The following KIF3A variants were observed in gnomAD, a reference collection of about 807,000 sequenced individuals.
KIF3A encodes kinesin family member 3A.
Under a neutral mutation model 92.6 loss-of-function variants are expected in KIF3A, and 27 were observed. The ratio of observed to expected loss-of-function variants is 0.29; its 90% CI spans 0.21 to 0.40. The LOEUF (loss-of-function observed/expected upper bound fraction) is 0.40. KIF3A is among the 10% of genes least tolerant of loss of function. The pLI is 1.00. For synonymous variants in KIF3A, 250 were observed against 275.4 expected, an observed-to-expected ratio of 0.91 and a Z score of 0.92; for missense variants, 581 against 872.6, an observed-to-expected ratio of 0.67 and a Z score of 4.21.
At chr5:132,720,761 A>G (rs1753797679) in intron 4 of KIF3A, 47 bp from the exon 5 acceptor site, 1 of 1,057,102 alleles carries the variant, frequency 9.5e-7, no homozygotes, top group Admixed American at 2.0e-5. Flanking sequence ...CTCTTCCACA[A>G]TTATTTATTG....
intron 10 of KIF3A, among the ~76,000 whole-genome samples, chr5:132,707,410 C>T (rs992526383): frequency 2.0e-5 from 3 of 152,248 alleles, no homozygotes; most frequent in Middle Eastern, 3.4e-3. Context: ...GTGCTAGGTA[C>T]GCAAATAGGA....
Position 132,716,761 on chromosome 5 carries a change from C to A in KIF3A, c.756+84G>T, listed in dbSNP as rs1364773108. On this transcript the variant is annotated intron_variant, in intron 6 of 18. Coordinates refer to ENST00000403231, the MANE Select transcript of KIF3A (RefSeq NM_001300791.2). ...CCTTAAAAATCATATGTAAATCATACCTTTTCACTTTAATTTTCATTCATT... is the reference window on the plus strand; with the variant it reads ...CCTTAAAAATCATATGTAAATCATAACTTTTCACTTTAATTTTCATTCATT... The A allele has an allele frequency of 2.8e-6, 4 of 1,406,534 alleles. No homozygotes were observed. The African/African-American group carries it at 5.8e-5, about 20-fold the overall frequency. The allele number at this position is 1,406,534 out of a possible 1,614,324, so 87.1% of individuals were successfully genotyped here.
At position 132,692,739 on chromosome 5, in the gene KIF3A, T is replaced by C. The variant is rs769027945; in HGVS notation, c.*3895A>G. 2.6e-5 allele frequency: 4 copies of C among 152,702 alleles called. No homozygotes were observed. Among genetic ancestry groups the C allele is most frequent in the Non-Finnish European group, 4.4e-5 (3 of 68,044 alleles). 9.5% of individuals were successfully genotyped at this position (152,702 alleles called of 1,614,324 possible). On this transcript the variant is annotated 3_prime_UTR_variant, in exon 19 of 19. Coordinates refer to ENST00000403231, the MANE Select transcript of KIF3A (RefSeq NM_001300791.2). ...TTATACATAAAATACAATGAAAGCA[T>C]GGCTTTTGAAACTGATGCAACAAAC...
At chr5:132,711,230 G>A (rs1753412493) in intron 8 of KIF3A, among the ~76,000 whole-genome samples, 173 bp from the exon 9 acceptor site, 1 of 152,178 alleles carries the variant, frequency 6.6e-6, no homozygotes, top group African/African-American at 2.4e-5. Context: ...AGACACAGAT[G>A]AGATATCCAA....
intron 8 of KIF3A, among the ~76,000 whole-genome samples, chr5:132,712,361 A>G (rs2149902948): frequency 6.6e-6 from 1 of 152,332 alleles, no homozygotes; most frequent in East Asian, 1.9e-4. Flanking sequence ...GAAGGATCTC[A>G]TAATAGCCAA....
chr5:132,710,354 C>T (rs894477743), intron 9 of KIF3A, among the ~76,000 whole-genome samples: 2 of 152,148 alleles, frequency 1.3e-5, no homozygotes, highest in African/African-American at 4.8e-5. Flanking sequence ...TGGTGGCTCA[C>T]GCCTGTAGTC....
At chr5:132,726,857 C>G (rs1404173631) in intron 2 of KIF3A, among the ~76,000 whole-genome samples, 2 of 152,176 alleles carry the variant, frequency 1.3e-5, no homozygotes, top group African/African-American at 4.8e-5. Flanking sequence ...AAAAAGAATA[C>G]AGGCTCTAGA....
Position 132,734,341 on chromosome 5 carries a change from T to C in KIF3A, c.144A>G (p.Val48=). Residue 48 remains valine, a synonymous_variant, in exon 2 of 19, where the codon GTA becomes GTG. Transcript: ENST00000403231. The stretch of plus-strand genomic sequence containing the variant: ...GTTCATTGGAAGAATCAGTCTTATG[T>C]ACAGTGATAGTTCCCCTCATCTCAT... ...SVDEMRGTIT[V]HKTDSSNEPP... is the part of the protein sequence containing the mutation. 6.2e-7 allele frequency: 1 copy of C among 1,614,154 alleles called. No individual in the cohort carries two copies. Among genetic ancestry groups the C allele is most frequent in the Non-Finnish European group, 8.5e-7 (1 of 1,180,024 alleles).
At position 132,700,832 on chromosome 5, in the gene KIF3A, T is replaced by C. The variant is rs1292980014; in HGVS notation, c.1885-132A>G. 5 of 528,498 alleles carry C rather than the reference T, an allele frequency of 9.5e-6. No individual in the cohort carries two copies. In the South Asian group the frequency reaches 1.0e-4, roughly 11 times the overall value. 32.7% of individuals were successfully genotyped at this position (528,498 alleles called of 1,614,324 possible). A position where few individuals can be genotyped will look rare whatever the true frequency, so the allele number is the denominator to read the frequency against. ...ACATTATATACTGATATAACCTTTT[T>C]ATAAATTCTAAAATACATATTTCTT... is the stretch of plus-strand genomic sequence containing the variant. On this transcript the variant is annotated intron_variant, in intron 15 of 18. Transcript: ENST00000403231.
At chr5:132,707,215 G>T (rs924710772) in intron 10 of KIF3A, among the ~76,000 whole-genome samples, 1 of 151,386 alleles carries the variant, frequency 6.6e-6, no homozygotes, top group African/African-American at 2.4e-5. Context: ...TCTATTAGTA[G>T]ATTTTTAAGG....
At chr5:132,729,655 G>T (rs1371648087) in intron 2 of KIF3A, among the ~76,000 whole-genome samples, 2 of 151,944 alleles carry the variant, frequency 1.3e-5, no homozygotes, top group African/African-American at 4.8e-5. Flanking sequence ...AATAACCCAG[G>T]ATCAAAGAAT....
chr5:132,709,426 C>G, intron 9 of KIF3A, among the ~76,000 whole-genome samples: 1 of 152,148 alleles, frequency 6.6e-6, no homozygotes, highest in East Asian at 1.9e-4. Flanking sequence ...TAGTCTATCT[C>G]CACTTTCAGT....
In KIF3A at chr5:132,711,197, A is replaced by G. The variant is rs1375853259; in HGVS notation, c.1130-140T>C. 8.6e-6 allele frequency: 6 copies of G among 696,174 alleles called. No homozygotes were observed. In the African/African-American group the frequency reaches 1.1e-4, roughly 12 times the overall value. 43.1% of individuals were successfully genotyped at this position (696,174 alleles called of 1,614,324 possible). On this transcript the variant is annotated intron_variant, in intron 8 of 18. Coordinates refer to ENST00000403231, the MANE Select transcript of KIF3A (RefSeq NM_001300791.2). ...AAATACTATTTAAATGCTCCTAGAAAGTATAACAGATATGCCAATCTCAGA... is the reference window on the plus strand; with the variant it reads ...AAATACTATTTAAATGCTCCTAGAAGGTATAACAGATATGCCAATCTCAGA...
At chr5:132,727,442 A>C (rs1361888035) in intron 2 of KIF3A, among the ~76,000 whole-genome samples, 1 of 152,168 alleles carries the variant, frequency 6.6e-6, no homozygotes, top group Non-Finnish European at 1.5e-5. Context: ...ACTTTCCAGA[A>C]GAGGTAAGGT....
intron 2 of KIF3A, among the ~76,000 whole-genome samples, chr5:132,727,675 T>C (rs1393675408): frequency 6.6e-6 from 1 of 152,110 alleles, no homozygotes. Flanking sequence ...AAAAGCAACA[T>C]GAAGCCATAG....
chr5:132,726,061 G>C (rs1442864752), intron 4 of KIF3A, 67 bp downstream of exon 4: 1 of 1,109,198 alleles, frequency 9.0e-7, no homozygotes, highest in African/African-American at 1.6e-5. Flanking sequence ...AAAAGAAGGG[G>C]GACCTTAATT....
intron 2 of KIF3A, among the ~76,000 whole-genome samples, chr5:132,726,729 C>T (rs1450685371): frequency 6.6e-6 from 1 of 152,194 alleles, no homozygotes; most frequent in Non-Finnish European, 1.5e-5. Context: ...TAATAAAAAG[C>T]ATCCCAAGCC....
chr5:132,708,091 G>A (rs922570985), intron 10 of KIF3A, among the ~76,000 whole-genome samples: 1 of 152,016 alleles, frequency 6.6e-6, no homozygotes. Context: ...GGACCATCCT[G>A]GCTAACACGG....
intron 4 of KIF3A, 27 bp from the exon 5 acceptor site, chr5:132,720,741 A>G (rs369950259): frequency 7.1e-6 from 9 of 1,262,468 alleles, no homozygotes; most frequent in African/African-American, 3.0e-5. Flanking sequence ...ACTTTATACT[A>G]TATCAATAAC....
Sources: allele counts gnomAD v4.1 joint callset (sites outside exome capture counted in the v4.1 genomes callset), GRCh38; gene constraint gnomAD v4.1.1; transcripts MANE v1.5; gene names NCBI Gene and HGNC (gene_info 2026-07-23, HGNC 2026-07-21).